The following PARVA variants were observed in gnomAD, a reference collection of about 807,000 sequenced individuals.
The protein encoded by PARVA is alpha-parvin.
A neutral mutation model predicts 52.6 loss-of-function variants in PARVA; 25 were observed. That is an observed-to-expected ratio of 0.48 (90% CI 0.35 to 0.66). PARVA has a LOEUF of 0.66. PARVA is among the 30% of genes least tolerant of loss of function. The pLI is 0.01. For synonymous variants in PARVA, 185 were observed against 179.1 expected, an observed-to-expected ratio of 1.03 and a Z score of -0.26; for missense variants, 373 against 450.9, an observed-to-expected ratio of 0.83 and a Z score of 1.56.
In PARVA at chr11:12,470,913, G is replaced by C. The variant is rs931599163; in HGVS notation, c.137-2832G>C. 2.0e-5 allele frequency among the ~76,000 whole-genome samples: 3 copies of C among 152,168 alleles called. No homozygotes were observed. The East Asian group carries it at 5.8e-4, about 29-fold the overall frequency. On this transcript the variant is annotated intron_variant, in intron 1 of 12. Coordinates refer to ENST00000334956, the MANE Select transcript of PARVA (RefSeq NM_018222.5). ...CAAAGCAGTAGACCAGTTAGAAGGT[G>C]GTTCTGATAGGCCAGGCAAAAGATA...
chr11:12,377,825 G>C (rs1198969544), intron 1 of PARVA, 42 bp downstream of exon 1: 2 of 1,433,666 alleles, frequency 1.4e-6, no homozygotes, highest in Admixed American at 2.9e-5. Flanking sequence ...TAGGAGCCGG[G>C]GGTGCCGTAG....
chr11:12,441,162 C>T (rs937754500), intron 1 of PARVA, among the ~76,000 whole-genome samples: 5 of 152,142 alleles, frequency 3.3e-5, no homozygotes, highest in African/African-American at 1.2e-4. Flanking sequence ...GAGGCCCCAG[C>T]CTTGGGGGTG....
intron 1 of PARVA, among the ~76,000 whole-genome samples, chr11:12,462,030 TAA>T (rs1023407875): frequency 5.3e-5 from 8 of 152,182 alleles, no homozygotes; most frequent in Non-Finnish European, 7.3e-5. Context: ...TTAAATGTAG[TAA>T]AACTTCTCTT....
intron 1 of PARVA, among the ~76,000 whole-genome samples, chr11:12,386,107 A>G (rs1377155904): frequency 6.6e-6 from 1 of 152,196 alleles, no homozygotes; most frequent in Non-Finnish European, 1.5e-5. Flanking sequence ...TCATGGGTCC[A>G]TTTTTGTTCA....
intron 4 of PARVA, among the ~76,000 whole-genome samples, chr11:12,486,071 G>A (rs1941155120): frequency 6.6e-6 from 1 of 152,180 alleles, no homozygotes. Flanking sequence ...AAGATATAGA[G>A]TTAACAGTCA....
chr11:12,444,850 C>A (rs550297751), intron 1 of PARVA, among the ~76,000 whole-genome samples: 1 of 152,322 alleles, frequency 6.6e-6, no homozygotes, highest in South Asian at 2.1e-4. Flanking sequence ...AGAACCAAGA[C>A]TGGAATTCAG....
In PARVA at chr11:12,406,097, G is replaced by A. The variant is rs564105106; in HGVS notation, c.136+28314G>A. ...TGTATTAGGGTTATCCAGAGAAACA[G>A]AACCAGTAGGGAAGATATACACACA... On this transcript the variant is annotated intron_variant, in intron 1 of 12. Transcript: ENST00000334956. Among the ~76,000 whole-genome samples, 6 of 152,348 alleles carry A rather than the reference G, an allele frequency of 3.9e-5. No individual in the cohort carries two copies. The East Asian group carries it at 1.2e-3, about 29-fold the overall frequency.
intron 4 of PARVA, among the ~76,000 whole-genome samples, chr11:12,491,561 G>A (rs1018589089): frequency 2.0e-5 from 3 of 152,102 alleles, no homozygotes; most frequent in Admixed American, 6.5e-5. Context: ...TAAAGCTGGG[G>A]TAACTATTTT....
At chr11:12,427,018 A>G (rs1940247059) in intron 1 of PARVA, among the ~76,000 whole-genome samples, 1 of 152,242 alleles carries the variant, frequency 6.6e-6, no homozygotes, top group South Asian at 2.1e-4. Context: ...TAAAGAATTT[A>G]GAATCTAGAA....
At chr11:12,511,557 T>C (rs1176477244) in intron 8 of PARVA, 24 bp downstream of exon 8, 1 of 1,612,096 alleles carries the variant, frequency 6.2e-7, no homozygotes, top group Non-Finnish European at 8.5e-7. Flanking sequence ...GATTGTCCTC[T>C]GGCACTGGTG....
chr11:12,503,640 G>A (rs1001614355), intron 5 of PARVA, among the ~76,000 whole-genome samples: 2 of 152,066 alleles, frequency 1.3e-5, no homozygotes, highest in Admixed American at 6.6e-5. Context: ...AGGCCAAGGC[G>A]GGAGGATTGC....
At position 12,534,727 on chromosome 11, in the gene PARVA, G is replaced by T. The variant is rs1029062970; in HGVS notation, c.*6802G>T. Among the ~76,000 whole-genome samples, 1 of 152,188 alleles carries T rather than the reference G, an allele frequency of 6.6e-6. No homozygotes were observed. Among genetic ancestry groups the T allele is most frequent in the Non-Finnish European group, 1.5e-5 (1 of 68,038 alleles). On this transcript the variant is annotated 3_prime_UTR_variant, in exon 13 of 13. Transcript: ENST00000334956. The stretch of plus-strand genomic sequence containing the variant: ...CTGTTACATGTTTGCTCTGTGTGGA[G>T]CCAGGGTTGGGGCTGCACAACTCTC...
chr11:12,489,834 C>T (rs1941209364), intron 4 of PARVA, among the ~76,000 whole-genome samples: 1 of 152,200 alleles, frequency 6.6e-6, no homozygotes, highest in Middle Eastern at 3.2e-3. Flanking sequence ...TATCAAAATA[C>T]TTTGATGTCT....
intron 1 of PARVA, among the ~76,000 whole-genome samples, chr11:12,420,916 G>A (rs1253927841): frequency 1.3e-5 from 2 of 152,090 alleles, no homozygotes; most frequent in South Asian, 2.1e-4. Context: ...CCCACCCAGC[G>A]AGAATGGAAG....
At position 12,504,417 on chromosome 11, in the gene PARVA, G is replaced by A; in HGVS notation, c.645G>A (p.Val215=). 1 of 1,610,280 alleles carries A rather than the reference G, an allele frequency of 6.2e-7. No homozygotes were observed. The highest frequency in any genetic ancestry group is 8.5e-7 in the Non-Finnish European group (1 of 1,176,602). Residue 215 remains valine (V), a synonymous_variant, in exon 6 of 13, where the codon GTG becomes GTA. Transcript: ENST00000334956. ...IRLPDHVSIQ[V]VVVQKREGIL... is the part of the protein sequence containing the mutation. ...TCCCAGACCATGTTTCCATCCAAGT[G>A]GTTGTGGTCCAGGTAAGACAGGTAA...
At chr11:12,445,665 G>A (rs1429284177) in intron 1 of PARVA, among the ~76,000 whole-genome samples, 1 of 152,152 alleles carries the variant, frequency 6.6e-6, no homozygotes, top group African/African-American at 2.4e-5. Context: ...CAGGACTTGG[G>A]TGACATTGAA....
At chr11:12,485,897 A>G (rs1212144334) in intron 4 of PARVA, among the ~76,000 whole-genome samples, 1 of 152,192 alleles carries the variant, frequency 6.6e-6, no homozygotes, top group Non-Finnish European at 1.5e-5. Context: ...AGCAGTCCTG[A>G]CCATCACTTC....
intron 1 of PARVA, among the ~76,000 whole-genome samples, chr11:12,457,856 A>C (rs2135020290): frequency 6.6e-6 from 1 of 152,304 alleles, no homozygotes; most frequent in South Asian, 2.1e-4. Context: ...TGTCCACAAA[A>C]GGGTCTGGCA....
intron 5 of PARVA, among the ~76,000 whole-genome samples, chr11:12,498,293 C>A (rs1941324290): frequency 6.6e-6 from 1 of 152,140 alleles, no homozygotes; most frequent in Non-Finnish European, 1.5e-5. Flanking sequence ...GCCTCGGCCT[C>A]CCAAAGTGCT....
Sources: allele counts gnomAD v4.1 joint callset (sites outside exome capture counted in the v4.1 genomes callset), GRCh38; gene constraint gnomAD v4.1.1; transcripts MANE v1.5; gene names NCBI Gene and HGNC (gene_info 2026-07-23, HGNC 2026-07-21).